Variants in SYNE2 observed in about 807,000 individuals in gnomAD.
SYNE2 encodes spectrin repeat containing nuclear envelope protein 2, also known as nesprin-2.
In SYNE2, 431 loss-of-function variants were observed where a neutral mutation model predicts 856.3. The ratio of observed to expected loss-of-function variants is 0.50; its 90% confidence interval spans 0.47 to 0.55. The LOEUF is 0.55. Among genes scored for constraint, SYNE2 ranks in the 20% least tolerant of loss-of-function variants. SYNE2 has a pLI of 0.00. For synonymous variants in SYNE2, 2,923 were observed against 2,872.3 expected (o/e 1.02, Z -0.56); for missense variants, 8,129 against 8,023.2 (o/e 1.01, Z -0.50).
At chr14:63,818,689 T>C (rs1309457131) in intron 1 of SYNE2, among the ~76,000 whole-genome samples, 1 of 145,328 alleles carries the variant, frequency 6.9e-6, no homozygotes, top group Non-Finnish European at 1.5e-5. Flanking sequence ...TTCTCATACA[T>C]TTTTTTCTTT....
intron 99 of SYNE2, chr14:64,190,867 G>A: frequency 1.4e-6 from 1 of 693,078 alleles, no homozygotes; most frequent in Non-Finnish European, 2.7e-6. Context: ...CTCCCAAAAT[G>A]ATGATGATGC....
Position 64,030,327 on chromosome 14 carries a change from T to C in SYNE2, c.6879+268T>C, listed in dbSNP as rs77681876. Among the ~76,000 whole-genome samples, 374 of 152,306 alleles carry C rather than the reference T, an allele frequency of 2.5e-3. 5 individuals carry two copies. Among genetic ancestry groups the C allele is most frequent in the South Asian group, 0.015 (73 of 4,816 alleles). ...CACCTTGAAAGGCCTGTATGTTACTTCTTTATGTAACTTCAAAATCTATCC... is the reference window on the plus strand; with the variant it reads ...CACCTTGAAAGGCCTGTATGTTACTCCTTTATGTAACTTCAAAATCTATCC... On this transcript the variant is annotated intron_variant, in intron 44 of 115. Transcript: ENST00000555002.
At chr14:64,111,812 G>A (rs941907614) in intron 65 of SYNE2, among the ~76,000 whole-genome samples, 1 of 151,858 alleles carries the variant, frequency 6.6e-6, no homozygotes, top group Non-Finnish European at 1.5e-5. Context: ...GAAAAAAAAA[G>A]GTCAGGATTA....
At chr14:64,075,795 GGC>G (rs2097453758) in intron 53 of SYNE2, 148 bp from the exon 54 acceptor site, 2 of 757,164 alleles carry the variant, frequency 2.6e-6, no homozygotes, top group Non-Finnish European at 4.5e-6. Context: ...GTGTCTCTGG[GGC>G]TTAATCAGCT....
intron 1 of SYNE2, among the ~76,000 whole-genome samples, chr14:63,798,039 T>C (rs746761141): frequency 6.6e-6 from 1 of 152,232 alleles, no homozygotes; most frequent in Non-Finnish European, 1.5e-5. Flanking sequence ...GGTTAGCATA[T>C]TAAACACCTC....
intron 64 of SYNE2, among the ~76,000 whole-genome samples, chr14:64,105,215 T>A (rs945367893): frequency 3.3e-5 from 5 of 152,228 alleles, no homozygotes; most frequent in African/African-American, 1.2e-4. Flanking sequence ...ATACATCTTA[T>A]AAAATACTGA....
chr14:64,188,115 C>T (rs1483863770), intron 97 of SYNE2, among the ~76,000 whole-genome samples: 1 of 152,158 alleles, frequency 6.6e-6, no homozygotes, highest in African/African-American at 2.4e-5. Context: ...GGTCCATTTG[C>T]ATTATAAATG....
At position 64,051,902 on chromosome 14, in the gene SYNE2, A is replaced by G; in HGVS notation, c.7989A>G (p.Gln2663=). ...CTCCAGAAGAACGGGCAGGGAACCA[A>G]AGCATGATTGCCTTGACCACTGACC... ...LKSPEERAGN[Q]SMIALTTDLQ... Residue 2663 remains glutamine (Q), a synonymous_variant, in exon 48 of 116, where the codon CAA becomes CAG. Transcript: ENST00000555002. 1 of 1,613,950 alleles carries G rather than the reference A, an allele frequency of 6.2e-7. No individual in the cohort carries two copies. Among genetic ancestry groups the G allele is most frequent in the Non-Finnish European group, 8.5e-7 (1 of 1,180,040 alleles).
chr14:64,165,109 ACTC>A (rs1324368125), intron 89 of SYNE2, among the ~76,000 whole-genome samples, 173 bp from the exon 90 acceptor site: 2 of 150,894 alleles, frequency 1.3e-5, no homozygotes, highest in Non-Finnish European at 3.0e-5. Context: ...CTGGTCTTGA[ACTC>A]CTGGGCTCAA....
chr14:64,107,648 G>A, intron 65 of SYNE2, 41 bp downstream of exon 65: 4 of 1,478,986 alleles, frequency 2.7e-6, no homozygotes, highest in Non-Finnish European at 3.8e-6. Context: ...TCAGATAGCT[G>A]GACTAGCACC....
intron 1 of SYNE2, among the ~76,000 whole-genome samples, chr14:63,830,438 C>T (rs1483550585): frequency 6.6e-6 from 1 of 151,892 alleles, no homozygotes. Flanking sequence ...ATAGGAGAAT[C>T]CCTTTTGTCC....
Position 63,978,923 on chromosome 14 carries a change from G to T in SYNE2, c.1478G>T (p.Gly493Val). Residue 493 changes from glycine to valine, a missense_variant, in exon 14 of 116, where the codon GGT becomes GTT. Transcript: ENST00000555002. ...CATTACTACAAGTGCTTAGTTCTTGGTTTGGTAGATGAAGTGAAATCAAAA... is the reference window on the plus strand; with the variant it reads ...CATTACTACAAGTGCTTAGTTCTTGTTTTGGTAGATGAAGTGAAATCAAAA... ...EFHYYKCLVLGLVDEVKSKLD... is the reference protein window; with the variant it reads ...EFHYYKCLVLVLVDEVKSKLD... 6.2e-7 allele frequency: 1 copy of T among 1,613,088 alleles called. No homozygotes were observed. Among genetic ancestry groups the T allele is most frequent in the Non-Finnish European group, 8.5e-7 (1 of 1,179,186 alleles).
At chr14:64,164,151 C>T (rs1041364019) in intron 89 of SYNE2, among the ~76,000 whole-genome samples, 2 of 149,768 alleles carry the variant, frequency 1.3e-5, no homozygotes, top group Non-Finnish European at 3.0e-5. Context: ...GTTCTGTCGC[C>T]CAGGCTGGAG....
At chr14:63,893,807 G>A (rs2095192179) in intron 1 of SYNE2, among the ~76,000 whole-genome samples, 1 of 152,144 alleles carries the variant, frequency 6.6e-6, no homozygotes, top group African/African-American at 2.4e-5. Context: ...CTCCTTGTTA[G>A]CTGGCCAAGC....
rs1259467827 is a variant in SYNE2 at position 63,998,229 on chromosome 14, C to T, written c.3254C>T (p.Pro1085Leu). Residue 1085 changes from proline to leucine, a missense_variant, in exon 26 of 116, where the codon CCC becomes CTC. By Grantham distance (98) the Pro-to-Leu change is moderately conservative. Around this residue, in one of 3 missense-constraint regions of SYNE2, gnomAD observed 2,422 missense variants for 2,357.4 expected, o/e 1.03. Coordinates refer to ENST00000555002, the MANE Select transcript of SYNE2 (RefSeq NM_182914.3). ...TGCATATTCCCTTAGGCAATGGAAC[C>T]CACTATGAAGTTTAGCCTGGCATCA... Reference protein sequence around the residue: ...NQPSTEKAMEPTMKFSLASVL... With the variant: ...NQPSTEKAMELTMKFSLASVL... The T allele has an allele frequency of 6.2e-7, 1 of 1,612,988 alleles. No individual in the cohort carries two copies. Among genetic ancestry groups the T allele is most frequent in the Admixed American group, 1.7e-5 (1 of 60,018 alleles).
chr14:64,171,237 C>G (rs998399829), intron 94 of SYNE2, among the ~76,000 whole-genome samples: 1 of 152,206 alleles, frequency 6.6e-6, no homozygotes, highest in Non-Finnish European at 1.5e-5. Context: ...AGAGAAGCCT[C>G]TCAACAAACA....
chr14:63,924,832 G>GTTTTTTTTTTTTT lies in SYNE2; in HGVS notation c.79+15606_79+15607insTTTTTTTTTTTTT, dbSNP rs1491139905. Among the ~76,000 whole-genome samples the GTTTTTTTTTTTTT allele has an allele frequency of 1.0e-2, 926 of 92,824 alleles. 308 individuals are homozygous for GTTTTTTTTTTTTT. The highest frequency in any genetic ancestry group is 0.018 in the East Asian group (47 of 2,654). The allele number at this position is 92,824 out of a possible 152,430, so 60.9% of individuals were successfully genotyped here. On this transcript the variant is annotated intron_variant, in intron 2 of 115. Coordinates refer to ENST00000555002, the MANE Select transcript of SYNE2 (RefSeq NM_182914.3). Reference sequence around the variant, plus strand: ...TTTAACTTTTTTCCTTCCAGCCTTGGTGTTTTTTTTTTTTTTTTTTTTTTT... The same window carrying GTTTTTTTTTTTTT: ...TTTAACTTTTTTCCTTCCAGCCTTGGTTTTTTTTTTTTTTGTTTTTTTTTTTTTTTTTTTTTTT...
chr14:63,990,822 A>G, intron 20 of SYNE2, 120 bp from the exon 21 acceptor site: 1 of 858,944 alleles, frequency 1.2e-6, no homozygotes, highest in Admixed American at 2.1e-5. Flanking sequence ...TAGATTTATC[A>G]TAATTTAGAT....
chr14:63,845,424 A>C (rs1392334235), intron 1 of SYNE2, among the ~76,000 whole-genome samples: 1 of 152,084 alleles, frequency 6.6e-6, no homozygotes, highest in African/African-American at 2.4e-5. Context: ...CTCAAAAAAA[A>C]AAAAAAAGTC....
Sources: allele counts gnomAD v4.1 joint callset (sites outside exome capture counted in the v4.1 genomes callset), GRCh38; gene constraint gnomAD v4.1.1; regional missense constraint gnomAD v4.1.1; transcripts MANE v1.5; gene names NCBI Gene and HGNC (gene_info 2026-07-23, HGNC 2026-07-21).